The following C12orf56 variants were observed in gnomAD, a reference collection of about 807,000 sequenced individuals.
The protein encoded by C12orf56 is chromosome 12 open reading frame 56, also known as uncharacterized protein C12orf56.
A neutral mutation model predicts 69.9 loss-of-function variants in C12orf56; 71 were observed. The ratio of observed to expected loss-of-function variants is 1.02; its 90% confidence interval spans 0.84 to 1.24. The LOEUF is 1.24. C12orf56 is among the 50% of genes most tolerant of loss of function. C12orf56 has a pLI of 0.00. For synonymous variants in C12orf56, 276 were observed against 274.1 expected (o/e 1.01, Z -0.07); for missense variants, 732 against 738.5 (o/e 0.99, Z 0.10).
rs149547528 is a variant in C12orf56 at position 64,302,953 on chromosome 12, G to A, written c.1113+682C>T. Among the ~76,000 whole-genome samples, 630 of 152,192 alleles carry A rather than the reference G, an allele frequency of 4.1e-3. 3 individuals are homozygous for A. The highest frequency in any genetic ancestry group is 7.1e-3 in the Non-Finnish European group (481 of 67,990). On this transcript the variant is annotated intron_variant, in intron 6 of 12. Coordinates refer to ENST00000543942, the MANE Select transcript of C12orf56 (RefSeq NM_001170633.2). ...GAGTTTGAGACCAGACTGGGCAACAGAGTGAGACCCTGTGTCTATTTAAAA... is the reference window on the plus strand; with the variant it reads ...GAGTTTGAGACCAGACTGGGCAACAAAGTGAGACCCTGTGTCTATTTAAAA...
intron 6 of C12orf56, among the ~76,000 whole-genome samples, chr12:64,296,222 G>A (rs572167658): frequency 4.9e-4 from 75 of 152,302 alleles, no homozygotes; most frequent in African/African-American, 1.7e-3. Context: ...AGCCTAGATT[G>A]CAATAATTGG....
intron 1 of C12orf56, among the ~76,000 whole-genome samples, chr12:64,362,413 C>T (rs1288309755): frequency 2.6e-5 from 4 of 152,030 alleles, no homozygotes; most frequent in South Asian, 2.1e-4. Context: ...TAAACGAGGC[C>T]GGGCGTGGTG....
intron 9 of C12orf56, among the ~76,000 whole-genome samples, chr12:64,276,679 A>T (rs1392232778): frequency 6.6e-6 from 1 of 152,184 alleles, no homozygotes; most frequent in Non-Finnish European, 1.5e-5. Context: ...CTGTTTGCTC[A>T]TAATAGATGC....
At chr12:64,330,163 T>G (rs1373914772) in intron 3 of C12orf56, among the ~76,000 whole-genome samples, 1 of 152,184 alleles carries the variant, frequency 6.6e-6, no homozygotes, top group Non-Finnish European at 1.5e-5. Context: ...GTGTTCCTAT[T>G]TCTCCACATC....
chr12:64,360,942 A>C (rs2039391883), intron 1 of C12orf56, among the ~76,000 whole-genome samples: 1 of 152,144 alleles, frequency 6.6e-6, no homozygotes. Flanking sequence ...TATTATTGGG[A>C]CAGATGTGGT....
chr12:64,330,542 A>G (rs1476620575), intron 3 of C12orf56, among the ~76,000 whole-genome samples: 6 of 152,188 alleles, frequency 3.9e-5, no homozygotes, highest in Non-Finnish European at 8.8e-5. Context: ...GACACTTAGC[A>G]TGTGGACTAT....
chr12:64,341,049 C>G (rs1592468799), intron 2 of C12orf56, among the ~76,000 whole-genome samples: 1 of 152,174 alleles, frequency 6.6e-6, no homozygotes, highest in South Asian at 2.1e-4. Context: ...TCTTGATAGT[C>G]TGGGTCAGTC....
chr12:64,367,458 A>G (rs1363871194), intron 1 of C12orf56, among the ~76,000 whole-genome samples: 1 of 150,580 alleles, frequency 6.6e-6, no homozygotes, highest in African/African-American at 2.4e-5. Context: ...CAATGTTACA[A>G]CAAAGTAGAT....
At chr12:64,363,871 G>A (rs1024487123) in intron 1 of C12orf56, among the ~76,000 whole-genome samples, 14 of 152,042 alleles carry the variant, frequency 9.2e-5, no homozygotes, top group African/African-American at 2.9e-4. Flanking sequence ...TACTTTTGGT[G>A]TACAAGCTGT....
chr12:64,337,983 A>C (rs2039019615), intron 2 of C12orf56, among the ~76,000 whole-genome samples: 1 of 152,036 alleles, frequency 6.6e-6, no homozygotes, highest in African/African-American at 2.4e-5. Flanking sequence ...TCCTGATCAT[A>C]TTACATGAAG....
intron 1 of C12orf56, among the ~76,000 whole-genome samples, chr12:64,375,795 ATCT>A (rs2039631819): frequency 1.3e-5 from 2 of 152,158 alleles, no homozygotes; most frequent in South Asian, 2.1e-4. Flanking sequence ...CTAAAGTGTC[ATCT>A]TCTCTTATTT....
intron 12 of C12orf56, among the ~76,000 whole-genome samples, chr12:64,269,873 G>A (rs1370392240): frequency 1.3e-5 from 2 of 152,094 alleles, no homozygotes; most frequent in Non-Finnish European, 2.9e-5. Context: ...ACAGGCATGA[G>A]CCACCATGCC....
At chr12:64,380,443 A>G (rs1039874247) in intron 1 of C12orf56, among the ~76,000 whole-genome samples, 16 of 152,344 alleles carry the variant, frequency 1.1e-4, no homozygotes, top group African/African-American at 3.6e-4. Context: ...ACCGTCTACT[A>G]AGTGTCAGGG....
At chr12:64,306,040 T>C (rs1339673349) in intron 5 of C12orf56, among the ~76,000 whole-genome samples, 1 of 152,224 alleles carries the variant, frequency 6.6e-6, no homozygotes, top group Non-Finnish European at 1.5e-5. Context: ...ACTAGGATAA[T>C]AGATTGTAAT....
In C12orf56 at chr12:64,353,256, C is replaced by T. The variant is rs566470472; in HGVS notation, c.253-200G>A. Among the ~76,000 whole-genome samples, 243 of 152,146 alleles carry T rather than the reference C, an allele frequency of 1.6e-3. 4 individuals carry two copies. Among genetic ancestry groups the T allele is most frequent in the Non-Finnish European group, 3.5e-4 (24 of 68,006 alleles). On this transcript the variant is annotated intron_variant, in intron 1 of 12. Transcript: ENST00000543942. The stretch of plus-strand genomic sequence containing the variant: ...CATTGCAACCTCCACCTCCTGGGTT[C>T]GAGTGATTCTCCTGCCTCAGCCTCC...
At chr12:64,376,876 G>A (rs1173356016) in intron 1 of C12orf56, among the ~76,000 whole-genome samples, 3 of 151,334 alleles carry the variant, frequency 2.0e-5, no homozygotes, top group African/African-American at 7.3e-5. Flanking sequence ...GTCTTGCTCT[G>A]TTGTCCTGGC....
rs1311796805 is a variant in C12orf56, at chr12:64,380,127, AAAAAAAACAAAAC to A, written c.252+10174_252+10186del. On this transcript the variant is annotated intron_variant, in intron 1 of 12. Coordinates refer to ENST00000543942, the MANE Select transcript of C12orf56 (RefSeq NM_001170633.2). Reference sequence around the variant, plus strand: ...CGCAAAAAAAAAAAAAAAAAAAAAAAAAAAAAACAAAACAAACAAAAAAAAACGCACAATGCAG... The same window carrying A: ...CGCAAAAAAAAAAAAAAAAAAAAAAAAAACAAAAAAAAACGCACAATGCAG... 9.6e-3 allele frequency among the ~76,000 whole-genome samples: 508 copies of A among 53,008 alleles called. 51 individuals are homozygous for A. Among genetic ancestry groups the A allele is most frequent in the Non-Finnish European group, 0.018 (345 of 18,826 alleles). The allele number at this position is 53,008 out of a possible 152,430, so 34.8% of individuals were successfully genotyped here. A position where few individuals can be genotyped will look rare whatever the true frequency, so the allele number is the denominator to read the frequency against.
chr12:64,283,408 A>G (rs1299659796), intron 8 of C12orf56, among the ~76,000 whole-genome samples: 1 of 152,200 alleles, frequency 6.6e-6, no homozygotes, highest in Non-Finnish European at 1.5e-5. Context: ...CAAAATCAAA[A>G]GACAAAGAAT....
At chr12:64,364,976 A>ATCC (rs1316827965) in intron 1 of C12orf56, among the ~76,000 whole-genome samples, 3 of 152,050 alleles carry the variant, frequency 2.0e-5, no homozygotes, top group Non-Finnish European at 4.4e-5. Context: ...TAAAAATTCT[A>ATCC]TCCTTGTGGC....
Sources: gnomAD v4.1 joint callset for allele counts (sites outside exome capture counted in the v4.1 genomes callset) on GRCh38, gnomAD v4.1.1 for gene constraint, MANE v1.5 for transcripts, NCBI Gene and HGNC (gene_info 2026-07-23, HGNC 2026-07-21) for gene names.